The following RYR2 variants were observed in gnomAD, a reference collection of about 807,000 sequenced individuals.
The protein encoded by RYR2 is ryanodine receptor 2, also known as cardiac muscle ryanodine receptor-calcium release channel.
A neutral mutation model predicts 601.1 loss-of-function variants in RYR2; 227 were observed. That is an observed-to-expected ratio of 0.38 (90% CI 0.34 to 0.42). The LOEUF is 0.42. RYR2 is among the 10% of genes least tolerant of loss of function. The probability of loss-of-function intolerance (pLI) is 1.00; values close to 1 mark genes in which losing one functional copy is unlikely to be tolerated. For synonymous variants in RYR2, 2,223 were observed against 2,175.1 expected (o/e 1.02, Z -0.61); for missense variants, 4,646 against 6,156.5 (o/e 0.75, Z 8.21).
At chr1:237,170,332 A>G (rs1677213449) in intron 1 of RYR2, among the ~76,000 whole-genome samples, 1 of 152,182 alleles carries the variant, frequency 6.6e-6, no homozygotes, top group Admixed American at 6.5e-5. Context: ...AGGCAGCAGG[A>G]AGCTCCACAT....
chr1:237,577,525 TGTGTGTGTGTGC>T lies in RYR2; in HGVS notation c.3598+8218_3598+8229del, dbSNP rs1265037917. On this transcript the variant is annotated intron_variant, in intron 29 of 104. Transcript: ENST00000366574. ...CTGTGTGTGTGTGTGTGTGTGTGTG[TGTGTGTGTGTGC>T]GTGTGTGTGTGTTTGAGAGAGAGAG... Among the ~76,000 whole-genome samples, 222 of 71,034 alleles carry T rather than the reference TGTGTGTGTGTGC, an allele frequency of 3.1e-3. 3 individuals are homozygous for T. The highest frequency in any genetic ancestry group is 0.016 in the East Asian group (51 of 3,138). 46.6% of individuals were successfully genotyped at this position (71,034 alleles called of 152,430 possible). A position where few individuals can be genotyped will look rare whatever the true frequency, so the allele number is the denominator to read the frequency against.
In RYR2 at chr1:237,801,541, CA is replaced by C. The variant is rs113741938; in HGVS notation, c.14091-299del. Among the ~76,000 whole-genome samples, 4,951 of 106,324 alleles carry C rather than the reference CA, an allele frequency of 0.047. 215 individuals carry two copies. The highest frequency in any genetic ancestry group is 0.15 in the African/African-American group (4,362 of 28,380). 69.8% of individuals were successfully genotyped at this position (106,324 alleles called of 152,430 possible). A position where few individuals can be genotyped will look rare whatever the true frequency, so the allele number is the denominator to read the frequency against. ...TGGGTGAATGAGTGCAACTCTGTCTCAAAAAAAAAAAAAAAATGTTAATACT... is the reference window on the plus strand; with the variant it reads ...TGGGTGAATGAGTGCAACTCTGTCTCAAAAAAAAAAAAAAATGTTAATACT... On this transcript the variant is annotated intron_variant, in intron 97 of 104. Coordinates refer to ENST00000366574, the MANE Select transcript of RYR2 (RefSeq NM_001035.3).
At chr1:237,722,059 T>C (rs1019878464) in intron 73 of RYR2, among the ~76,000 whole-genome samples, 1 of 152,238 alleles carries the variant, frequency 6.6e-6, no homozygotes, top group Admixed American at 6.5e-5. Context: ...TATAATTTAA[T>C]ATCTTTGCCT....
intron 1 of RYR2, among the ~76,000 whole-genome samples, chr1:237,061,253 C>CTATCTATCT (rs1553275422): frequency 1.3e-5 from 1 of 75,698 alleles, no homozygotes; most frequent in African/African-American, 4.3e-5. Context: ...ATCTATCTAT[C>CTATCTATCT]ATCTATCTAT....
chr1:237,218,859 G>C (rs1683470715), intron 1 of RYR2, among the ~76,000 whole-genome samples: 1 of 151,994 alleles, frequency 6.6e-6, no homozygotes, highest in African/African-American at 2.4e-5. Flanking sequence ...TACATCAGTT[G>C]GGATGCTTTT....
chr1:237,137,243 T>C (rs527681794), intron 1 of RYR2, among the ~76,000 whole-genome samples: 46 of 152,272 alleles, frequency 3.0e-4, no homozygotes, highest in Admixed American at 1.2e-3. Flanking sequence ...GGAAGGAGCC[T>C]GGGTCAGTGA....
At chr1:237,578,902 A>G (rs1275946349) in intron 29 of RYR2, among the ~76,000 whole-genome samples, 1 of 152,222 alleles carries the variant, frequency 6.6e-6, no homozygotes, top group Non-Finnish European at 1.5e-5. Context: ...GGTCCTGGCC[A>G]CATGGAGAAA....
chr1:237,532,539 ACT>A (rs577666452), intron 25 of RYR2, among the ~76,000 whole-genome samples: 38 of 151,730 alleles, frequency 2.5e-4, no homozygotes, highest in Admixed American at 5.3e-4. Context: ...TTTCCAAACC[ACT>A]CTCAGGTTTT....
At chr1:237,121,632 GA>G (rs1288513270) in intron 1 of RYR2, among the ~76,000 whole-genome samples, 3 of 152,176 alleles carry the variant, frequency 2.0e-5, no homozygotes, top group African/African-American at 7.2e-5. Flanking sequence ...AGATGTAATA[GA>G]GGCAGAGATC....
chr1:237,512,848 A>G (rs1211526350), intron 24 of RYR2, among the ~76,000 whole-genome samples: 5 of 152,162 alleles, frequency 3.3e-5, no homozygotes, highest in Non-Finnish European at 2.9e-5. Context: ...TCCAGCCTGG[A>G]TGACAGAGCA....
At chr1:237,189,299 G>A (rs919929167) in intron 1 of RYR2, among the ~76,000 whole-genome samples, 7 of 152,106 alleles carry the variant, frequency 4.6e-5, no homozygotes, top group South Asian at 2.1e-4. Context: ...TTATCTGTTC[G>A]TCTGTTAATG....
At chr1:237,525,142 C>T (rs1182993465) in intron 24 of RYR2, among the ~76,000 whole-genome samples, 2 of 152,106 alleles carry the variant, frequency 1.3e-5, no homozygotes, top group African/African-American at 2.4e-5. Context: ...GCTTTGAAGT[C>T]CCTACTATCT....
At chr1:237,441,268 A>G in intron 12 of RYR2, 51 bp from the exon 13 acceptor site, 2 of 1,601,024 alleles carry the variant, frequency 1.2e-6, no homozygotes, top group African/African-American at 1.3e-5. Context: ...ATTGCCATAC[A>G]CTAGTATTTT....
At chr1:237,563,979 A>C (rs1671716484) in intron 27 of RYR2, among the ~76,000 whole-genome samples, 1 of 152,158 alleles carries the variant, frequency 6.6e-6, no homozygotes, top group African/African-American at 2.4e-5. Flanking sequence ...GAAAATTAGG[A>C]GTTACATCTA....
At chr1:237,570,525 G>C (rs1303053805) in intron 29 of RYR2, among the ~76,000 whole-genome samples, 1 of 151,810 alleles carries the variant, frequency 6.6e-6, no homozygotes, top group Non-Finnish European at 1.5e-5. Context: ...TTTTAGTAGA[G>C]ACGGGGTTTC....
At chr1:237,284,621 T>G (rs1691310455) in intron 2 of RYR2, among the ~76,000 whole-genome samples, 1 of 130,360 alleles carries the variant, frequency 7.7e-6, no homozygotes, top group African/African-American at 3.2e-5. Context: ...CACCACAGTA[T>G]GTAGTATATA....
intron 92 of RYR2, among the ~76,000 whole-genome samples, chr1:237,789,814 A>T (rs1307727809): frequency 6.6e-6 from 1 of 152,204 alleles, no homozygotes; most frequent in Non-Finnish European, 1.5e-5. Context: ...AGTCATGGCC[A>T]CATCCGTCTA....
At chr1:237,231,003 A>G (rs929429569) in intron 1 of RYR2, among the ~76,000 whole-genome samples, 5 of 151,494 alleles carry the variant, frequency 3.3e-5, no homozygotes, top group Non-Finnish European at 7.4e-5. Context: ...CCTGTGCACA[A>G]GTTAAATCTT....
At chr1:237,256,859 T>C (rs138014117) in intron 1 of RYR2, among the ~76,000 whole-genome samples, 3 of 152,172 alleles carry the variant, frequency 2.0e-5, no homozygotes, top group Non-Finnish European at 4.4e-5. Flanking sequence ...AAAATTTGAG[T>C]GACTTTACTT....
Sources: gnomAD v4.1 joint callset for allele counts (sites outside exome capture counted in the v4.1 genomes callset) on GRCh38, gnomAD v4.1.1 for gene constraint, MANE v1.5 for transcripts, NCBI Gene and HGNC (gene_info 2026-07-23, HGNC 2026-07-21) for gene names.